The following STAC variants were observed in gnomAD, a reference collection of about 807,000 sequenced individuals.
The protein encoded by STAC is SH3 and cysteine-rich domain-containing protein.
In STAC, 43 loss-of-function variants were observed where a neutral mutation model predicts 48.8. That is an observed-to-expected ratio of 0.88 (90% CI 0.69 to 1.14). The LOEUF (loss-of-function observed/expected upper bound fraction) is 1.14, where lower values mean the gene tolerates loss of function less well. Among genes scored for constraint, STAC ranks in the 50% most tolerant of loss-of-function variants. The pLI, the probability that STAC is intolerant of heterozygous loss-of-function variation, is 0.00. For synonymous variants in STAC, 193 were observed against 179.5 expected, an observed-to-expected ratio of 1.07 and a Z score of -0.60; for missense variants, 497 against 504.0, an observed-to-expected ratio of 0.99 and a Z score of 0.13.
At chr3:36,448,125 A>C (rs1347515814) in intron 2 of STAC, among the ~76,000 whole-genome samples, 1 of 151,916 alleles carries the variant, frequency 6.6e-6, no homozygotes, top group Non-Finnish European at 1.5e-5. Context: ...CATTCGGCCC[A>C]CTTGAAAGAA....
rs765548085 is a variant in STAC, at chr3:36,514,204, C to CTTTTT, written c.920+8397_920+8401dup. Among the ~76,000 whole-genome samples the CTTTTT allele has an allele frequency of 6.6e-3, 242 of 36,434 alleles. 46 individuals are homozygous for CTTTTT. Among genetic ancestry groups the CTTTTT allele is most frequent in the East Asian group, 0.012 (13 of 1,108 alleles). The allele number at this position is 36,434 out of a possible 152,430, so 23.9% of individuals were successfully genotyped here. A position where few individuals can be genotyped will look rare whatever the true frequency, so the allele number is the denominator to read the frequency against. ...TCTCTGATCCATCTACACTGGCCTT[C>CTTTTT]TTTTTTTTTTTTTTTTTTTTTTTTT... is the stretch of plus-strand genomic sequence containing the variant. On this transcript the variant is annotated intron_variant, in intron 8 of 10. Coordinates refer to ENST00000273183, the MANE Select transcript of STAC (RefSeq NM_003149.3).
In STAC at chr3:36,443,514, G is replaced by T. The variant is rs1696418921; in HGVS notation, c.262G>T (p.Ala88Ser). Reference protein sequence around the residue: ...EISPSSSPLPAPGSLTSTPAR... With the variant: ...EISPSSSPLPSPGSLTSTPAR... ...CAGCCCCAGCTCCAGCCCACTCCCTGCTCCAGGAAGCCTGACGTCCACACC... is the reference window on the plus strand; with the variant it reads ...CAGCCCCAGCTCCAGCCCACTCCCTTCTCCAGGAAGCCTGACGTCCACACC... Residue 88 changes from alanine to serine, a missense_variant, in exon 2 of 11, where the codon GCT becomes TCT. Coordinates refer to ENST00000273183, the MANE Select transcript of STAC (RefSeq NM_003149.3). This position sits in a 1 kb window ranked among gnomAD's most constrained non-coding sequence, Gnocchi z 4.2. The T allele has an allele frequency of 6.2e-7, 1 of 1,614,066 alleles. No homozygotes were observed. The highest frequency in any genetic ancestry group is 1.3e-5 in the African/African-American group (1 of 74,940).
intron 8 of STAC, among the ~76,000 whole-genome samples, chr3:36,509,191 G>T (rs1466980621): frequency 6.6e-6 from 1 of 152,122 alleles, no homozygotes; most frequent in Non-Finnish European, 1.5e-5. Context: ...AGTTTGGCTG[G>T]ATATAAAATT....
intron 2 of STAC, among the ~76,000 whole-genome samples, chr3:36,448,909 C>CT (rs1027294082): frequency 3.3e-4 from 49 of 147,172 alleles, no homozygotes; most frequent in Middle Eastern, 3.4e-3. Flanking sequence ...GAACCCCCCC[C>CT]CCCACTCCCG....
chr3:36,398,690 A>AAAGAAAGAAAGAAAG (rs755154028), intron 1 of STAC, among the ~76,000 whole-genome samples: 1 of 140,892 alleles, frequency 7.1e-6, no homozygotes, highest in East Asian at 2.1e-4. Context: ...AGAAAGAAAG[A>AAAGAAAGAAAGAAAG]AAAGAAAGAA....
chr3:36,517,114 C>A (rs112480952), intron 8 of STAC, among the ~76,000 whole-genome samples: 5,639 of 152,214 alleles, frequency 0.037, 177 homozygotes, highest in South Asian at 0.069. Context: ...GATACCCAAG[C>A]TGTGATGCCA....
At chr3:36,417,091 G>A (rs777521661) in intron 1 of STAC, among the ~76,000 whole-genome samples, 2 of 152,072 alleles carry the variant, frequency 1.3e-5, no homozygotes, top group African/African-American at 2.4e-5. Flanking sequence ...AAGATTCTCT[G>A]CGGCCCCACA....
chr3:36,505,773 A>C lies in STAC; in HGVS notation c.859A>C (p.Met287Leu). The C allele has an allele frequency of 6.2e-7, 1 of 1,607,366 alleles. No homozygotes were observed. The highest frequency in any genetic ancestry group is 8.5e-7 in the Non-Finnish European group (1 of 1,177,828). Reference sequence around the variant, plus strand: ...ATCTCTTTCCAAAGACCCATTACAGATGAACACCTATGTTGCCTTGTACAA... The same window carrying C: ...ATCTCTTTCCAAAGACCCATTACAGCTGAACACCTATGTTGCCTTGTACAA... ...QGSLSKDPLQ[M>L]NTYVALYKFV... is the part of the protein sequence containing the mutation. The change falls in exon 8 of 11, where the codon ATG becomes CTG. Residue 287 changes from methionine to leucine, a missense_variant. By Grantham distance (15) the Met-to-Leu change is conservative. Transcript: ENST00000273183.
At chr3:36,401,991 AGAGGTG>A (rs1700007178) in intron 1 of STAC, among the ~76,000 whole-genome samples, 1 of 152,222 alleles carries the variant, frequency 6.6e-6, no homozygotes, top group South Asian at 2.1e-4. Context: ...ACAAAACTAT[AGAGGTG>A]GAGGCTGAGA....
chr3:36,389,553 T>C (rs2125614817), intron 1 of STAC, among the ~76,000 whole-genome samples: 1 of 152,338 alleles, frequency 6.6e-6, no homozygotes, highest in South Asian at 2.1e-4. Context: ...ATACTCTGAC[T>C]TACTATTATG....
At position 36,483,077 on chromosome 3, in the gene STAC, G is replaced by A; in HGVS notation, c.474G>A (p.Arg158=). Residue 158 remains arginine, a synonymous_variant, in exon 3 of 11, where the codon CGG becomes CGA. Transcript: ENST00000273183. ...GCACAGATGGCCTGGCACCCCAGCG[G>A]TGCATGGGCAAGCTGGTAAGGGCTT... ...HKCTDGLAPQ[R]CMGKLPKGFR... is the part of the protein sequence containing the mutation. The A allele has an allele frequency of 6.2e-7, 1 of 1,613,806 alleles. No homozygotes were observed. The highest frequency in any genetic ancestry group is 8.5e-7 in the Non-Finnish European group (1 of 1,179,724).
chr3:36,454,008 T>TG (rs1050205538), intron 2 of STAC, among the ~76,000 whole-genome samples: 1 of 152,106 alleles, frequency 6.6e-6, no homozygotes, highest in Non-Finnish European at 1.5e-5. Context: ...AACCTTTGTG[T>TG]CTAGCTCAGG....
intron 2 of STAC, among the ~76,000 whole-genome samples, chr3:36,468,209 T>C (rs1476839858): frequency 6.6e-6 from 1 of 152,062 alleles, no homozygotes; most frequent in Admixed American, 6.5e-5. Flanking sequence ...CACTGTGATC[T>C]GAGAGAGTAC....
intron 3 of STAC, among the ~76,000 whole-genome samples, chr3:36,484,075 T>G (rs773846828): frequency 2.0e-5 from 3 of 152,224 alleles, no homozygotes; most frequent in Non-Finnish European, 2.9e-5. Context: ...CATCAACAGC[T>G]GTCTTCAACA....
At chr3:36,471,523 G>T (rs929141887) in intron 2 of STAC, among the ~76,000 whole-genome samples, 2 of 152,128 alleles carry the variant, frequency 1.3e-5, no homozygotes, top group African/African-American at 4.8e-5. Flanking sequence ...CTGAGACAAG[G>T]CAAGTCCCTT....
chr3:36,492,068 G>T (rs1476356871), intron 5 of STAC, among the ~76,000 whole-genome samples: 3 of 55,360 alleles, frequency 5.4e-5, no homozygotes, highest in Admixed American at 2.7e-4. Context: ...ATATATATAT[G>T]TGACTGTCCT....
intron 10 of STAC, among the ~76,000 whole-genome samples, chr3:36,540,586 T>C (rs150181144): frequency 1.6e-4 from 24 of 152,192 alleles, no homozygotes; most frequent in Admixed American, 1.6e-3. Context: ...CTACCATTAA[T>C]GGATGTGAAG....
chr3:36,466,758 G>C (rs1427402981), intron 2 of STAC, among the ~76,000 whole-genome samples: 12 of 152,078 alleles, frequency 7.9e-5, no homozygotes, highest in Non-Finnish European at 1.8e-4. Context: ...TGACTCTTTA[G>C]GGTTTTCTAG....
At chr3:36,416,343 C>G (rs1398854046) in intron 1 of STAC, among the ~76,000 whole-genome samples, 1 of 152,122 alleles carries the variant, frequency 6.6e-6, no homozygotes, top group Non-Finnish European at 1.5e-5. Context: ...CATGGTGGCA[C>G]ATGCCTGTAG....
Sources: allele counts gnomAD v4.1 joint callset (sites outside exome capture counted in the v4.1 genomes callset), GRCh38; gene constraint gnomAD v4.1.1; non-coding constraint Gnocchi (gnomAD v3.1); transcripts MANE v1.5; gene names NCBI Gene and HGNC (gene_info 2026-07-23, HGNC 2026-07-21).